Variants in SPAG16 observed in about 807,000 individuals in gnomAD.
SPAG16 encodes sperm-associated antigen 16 protein.
A neutral mutation model predicts 80.4 loss-of-function variants in SPAG16; 86 were observed. That is an observed-to-expected ratio of 1.07 (90% CI 0.90 to 1.28). The LOEUF (loss-of-function observed/expected upper bound fraction) is 1.28. SPAG16 is among the 50% of genes most tolerant of loss of function. SPAG16 has a pLI of 0.00. For missense variants in SPAG16, 870 were observed against 765.3 expected (o/e 1.14, Z -1.61); for synonymous variants, 294 against 265.9 (o/e 1.11, Z -1.03).
chr2:214,077,635 C>T (rs1241842738), intron 13 of SPAG16, among the ~76,000 whole-genome samples: 1 of 152,196 alleles, frequency 6.6e-6, no homozygotes. Flanking sequence ...AATTCTGCCT[C>T]AATGACCACT....
At chr2:213,744,040 G>A (rs911179781) in intron 10 of SPAG16, among the ~76,000 whole-genome samples, 2 of 152,082 alleles carry the variant, frequency 1.3e-5, no homozygotes, top group African/African-American at 4.8e-5. Flanking sequence ...TTATCCATGG[G>A]AATATTTGAG....
chr2:213,803,300 C>A (rs1041596430), intron 10 of SPAG16, among the ~76,000 whole-genome samples: 3 of 152,058 alleles, frequency 2.0e-5, no homozygotes, highest in African/African-American at 7.2e-5. Context: ...CTCAAGATTA[C>A]CCTACTAAAA....
intron 15 of SPAG16, among the ~76,000 whole-genome samples, chr2:214,349,886 T>C (rs977723419): frequency 2.6e-4 from 40 of 152,246 alleles, no homozygotes; most frequent in African/African-American, 8.9e-4. Flanking sequence ...CTTTATGAAG[T>C]GTCTGCACCA....
At position 214,324,935 on chromosome 2, in the gene SPAG16, C is replaced by G. The variant is rs13008383; in HGVS notation, c.1721-85205C>G. Reference sequence around the variant, plus strand: ...TGACATACAGTTGCACACAGAATGTCAAATGCATGTCATAAATGACCATCT... The same window carrying G: ...TGACATACAGTTGCACACAGAATGTGAAATGCATGTCATAAATGACCATCT... On this transcript the variant is annotated intron_variant, in intron 15 of 15. Coordinates refer to ENST00000331683, the MANE Select transcript of SPAG16 (RefSeq NM_024532.5). Among the ~76,000 whole-genome samples, 458 of 152,268 alleles carry G rather than the reference C, an allele frequency of 3.0e-3. 2 individuals carry two copies. Among genetic ancestry groups the G allele is most frequent in the Non-Finnish European group, 5.1e-3 (350 of 68,020 alleles).
chr2:214,101,308 T>C (rs34101106), intron 13 of SPAG16, among the ~76,000 whole-genome samples: 49,208 of 151,634 alleles, frequency 0.32, 8,208 homozygotes, highest in African/African-American at 0.35. Flanking sequence ...AACATGTGTG[T>C]CCTGCTTCAG....
chr2:214,323,366 TA>T (rs1230394261), intron 15 of SPAG16, among the ~76,000 whole-genome samples: 4 of 151,650 alleles, frequency 2.6e-5, no homozygotes, highest in African/African-American at 7.3e-5. Flanking sequence ...TTAAAGGGAT[TA>T]TGCTTATATT....
chr2:213,915,979 G>A (rs2077944316), intron 11 of SPAG16, among the ~76,000 whole-genome samples: 2 of 151,822 alleles, frequency 1.3e-5, no homozygotes, highest in South Asian at 4.1e-4. Flanking sequence ...TTGTTTTCTT[G>A]TAAATTTAAG....
intron 13 of SPAG16, among the ~76,000 whole-genome samples, chr2:214,020,758 T>C (rs575735364): frequency 2.0e-5 from 3 of 152,318 alleles, no homozygotes; most frequent in African/African-American, 4.8e-5. Flanking sequence ...TAGGGTTTCC[T>C]CTTGTTCTGA....
At chr2:214,147,737 C>T (rs767207711) in intron 14 of SPAG16, among the ~76,000 whole-genome samples, 1 of 152,264 alleles carries the variant, frequency 6.6e-6, no homozygotes, top group Non-Finnish European at 1.5e-5. Context: ...AAAGATTAAG[C>T]ATCTCATTTA....
At chr2:214,092,672 A>G (rs2052300651) in intron 13 of SPAG16, among the ~76,000 whole-genome samples, 1 of 152,016 alleles carries the variant, frequency 6.6e-6, no homozygotes. Context: ...TACTTCTGCC[A>G]ATTATTAACT....
At chr2:214,187,374 G>A (rs916850391) in intron 15 of SPAG16, among the ~76,000 whole-genome samples, 5 of 152,134 alleles carry the variant, frequency 3.3e-5, no homozygotes, top group African/African-American at 9.7e-5. Context: ...GCAAGTTGAT[G>A]TAAATCAATT....
chr2:213,360,822 T>TA (rs1389538523), intron 7 of SPAG16, among the ~76,000 whole-genome samples: 1 of 152,038 alleles, frequency 6.6e-6, no homozygotes, highest in Non-Finnish European at 1.5e-5. Flanking sequence ...TGTGCTTATA[T>TA]TTTGAATATT....
chr2:214,301,032 A>G (rs1390745851), intron 15 of SPAG16, among the ~76,000 whole-genome samples: 4 of 21,092 alleles, frequency 1.9e-4, no homozygotes, highest in Non-Finnish European at 4.1e-4. Context: ...TTAAAGTATA[A>G]TAATAATAAT....
At position 213,457,974 on chromosome 2, in the gene SPAG16, G is replaced by A. The variant is rs181096864; in HGVS notation, c.943-31989G>A. On this transcript the variant is annotated intron_variant, in intron 9 of 15. Coordinates refer to ENST00000331683, the MANE Select transcript of SPAG16 (RefSeq NM_024532.5). ...AATAATAACTTGTTAATATTTAGTG[G>A]ACATATTACAGATGACTGCTTGAGT... Among the ~76,000 whole-genome samples, 3 of 150,506 alleles carry A rather than the reference G, an allele frequency of 2.0e-5. No individual in the cohort carries two copies. In the East Asian group the frequency reaches 5.9e-4, roughly 29 times the overall value.
At chr2:213,498,539 T>C (rs183262937) in intron 10 of SPAG16, among the ~76,000 whole-genome samples, 207 of 152,272 alleles carry the variant, frequency 1.4e-3, no homozygotes, top group African/African-American at 4.6e-3. Context: ...TAAAACAATA[T>C]TGATGCTCTG....
chr2:213,755,928 C>T (rs775263426), intron 10 of SPAG16, among the ~76,000 whole-genome samples: 21 of 152,120 alleles, frequency 1.4e-4, no homozygotes, highest in Non-Finnish European at 2.9e-4. Flanking sequence ...GTCCCTGTGG[C>T]TGCATTTAAC....
chr2:213,831,165 G>A (rs1452144919), intron 10 of SPAG16, among the ~76,000 whole-genome samples: 4 of 149,334 alleles, frequency 2.7e-5, no homozygotes, highest in African/African-American at 4.9e-5. Context: ...TCAGCCTCCC[G>A]AGTAGCTGGG....
In SPAG16 at chr2:214,410,463, G is replaced by C. The variant is rs1409309778; in HGVS notation, c.*148G>C. The C allele has an allele frequency of 3.3e-6, 2 of 609,030 alleles. No homozygotes were observed. Among genetic ancestry groups the C allele is most frequent in the Non-Finnish European group, 5.2e-6 (2 of 383,864 alleles). 37.7% of individuals were successfully genotyped at this position (609,030 alleles called of 1,614,324 possible). On this transcript the variant is annotated 3_prime_UTR_variant, in exon 16 of 16. Coordinates refer to ENST00000331683, the MANE Select transcript of SPAG16 (RefSeq NM_024532.5). ...ACATGCTTTGGACATATATTTTAGTGCTCATACTGTTACTAATAAAAAAAT... is the reference window on the plus strand; with the variant it reads ...ACATGCTTTGGACATATATTTTAGTCCTCATACTGTTACTAATAAAAAAAT...
chr2:214,057,178 C>CTTTTTTT, intron 13 of SPAG16, among the ~76,000 whole-genome samples: 1 of 144,540 alleles, frequency 6.9e-6, no homozygotes, highest in Non-Finnish European at 1.5e-5. Context: ...TTTCAGTTTA[C>CTTTTTTT]TTTTTTTTTT....
Sources: gnomAD v4.1 joint callset for allele counts (sites outside exome capture counted in the v4.1 genomes callset) on GRCh38, gnomAD v4.1.1 for gene constraint, MANE v1.5 for transcripts, NCBI Gene and HGNC (gene_info 2026-07-23, HGNC 2026-07-21) for gene names.